The following AGMO variants were observed in gnomAD, a reference collection of about 807,000 sequenced individuals.
AGMO encodes glyceryl-ether monooxygenase.
AGMO carries 75 observed loss-of-function variants against 60.2 expected under a neutral mutation model. The observed-to-expected ratio is 1.25, with a 90% CI of 1.03 to 1.51. The LOEUF (loss-of-function observed/expected upper bound fraction) is 1.51, where lower values mean the gene tolerates loss of function less well. Ranked by LOEUF, AGMO falls within the 40% of genes most tolerant of loss-of-function variation. The pLI is 0.00. For missense variants in AGMO, 763 were observed against 525.5 expected, an observed-to-expected ratio of 1.45 and a Z score of -4.42; for synonymous variants, 261 against 177.1, an observed-to-expected ratio of 1.47 and a Z score of -3.76.
chr7:15,303,016 T>C (rs1780497112), intron 12 of AGMO, among the ~76,000 whole-genome samples: 1 of 152,158 alleles, frequency 6.6e-6, no homozygotes, highest in African/African-American at 2.4e-5. Flanking sequence ...GAAAGCTGAA[T>C]GTCTGGGATG....
the AGMO span, among the ~76,000 whole-genome samples, chr7:15,188,963 A>G: frequency 6.6e-6 from 1 of 152,184 alleles, no homozygotes; most frequent in East Asian, 1.9e-4. Context: ...ATAATTACAG[A>G]CAACTTTTTG....
the AGMO span, among the ~76,000 whole-genome samples, chr7:15,164,413 G>C: frequency 6.6e-6 from 1 of 152,002 alleles, no homozygotes; most frequent in Non-Finnish European, 1.5e-5. Context: ...AAACTAAAGA[G>C]CTTCGACATA....
intron 12 of AGMO, among the ~76,000 whole-genome samples, chr7:15,364,819 A>C (rs1005068064): frequency 6.6e-6 from 1 of 152,114 alleles, no homozygotes; most frequent in Non-Finnish European, 1.5e-5. Flanking sequence ...GCTTAAATAA[A>C]GTTATACATT....
chr7:15,213,112 T>C (rs1255703864), intron 12 of AGMO, among the ~76,000 whole-genome samples: 1 of 151,968 alleles, frequency 6.6e-6, no homozygotes, highest in Non-Finnish European at 1.5e-5. Context: ...AAAATAGATC[T>C]TTTTTAAAAT....
the AGMO span, among the ~76,000 whole-genome samples, chr7:15,160,979 G>C: frequency 6.6e-6 from 1 of 152,124 alleles, no homozygotes; most frequent in Non-Finnish European, 1.5e-5. Context: ...GAAGGCAGAA[G>C]GGCAAAAGAG....
chr7:15,134,438 C>A, the AGMO span, among the ~76,000 whole-genome samples: 1,054 of 152,108 alleles, frequency 6.9e-3, 22 homozygotes, highest in African/African-American at 0.025. Context: ...TTGTTTTCAA[C>A]CCTCACTCTC....
chr7:15,287,179 T>C (rs997231959), intron 12 of AGMO, among the ~76,000 whole-genome samples: 2 of 152,100 alleles, frequency 1.3e-5, no homozygotes, highest in African/African-American at 4.8e-5. Context: ...CACTATACAA[T>C]TCATCCATGT....
the AGMO span, among the ~76,000 whole-genome samples, chr7:15,145,512 G>T: frequency 1.5e-4 from 23 of 152,112 alleles, no homozygotes; most frequent in South Asian, 4.8e-3. Context: ...TAACAGAATA[G>T]AAATATATCA....
intron 5 of AGMO, among the ~76,000 whole-genome samples, chr7:15,394,680 G>C (rs949328100): frequency 2.0e-5 from 3 of 152,072 alleles, no homozygotes; most frequent in African/African-American, 4.8e-5. Flanking sequence ...CTAGGAGAGT[G>C]AAAACAACTG....
intron 12 of AGMO, among the ~76,000 whole-genome samples, chr7:15,243,265 C>G (rs1782645284): frequency 6.6e-6 from 1 of 151,994 alleles, no homozygotes; most frequent in African/African-American, 2.4e-5. Flanking sequence ...AAATATTTAT[C>G]AATGTTTCTT....
chr7:15,385,834 T>C (rs757697705), intron 9 of AGMO, among the ~76,000 whole-genome samples: 27 of 152,170 alleles, frequency 1.8e-4, no homozygotes, highest in Non-Finnish European at 3.5e-4. Context: ...GGATGTATCT[T>C]CCCTATTTGA....
chr7:15,311,187 A>T (rs895094245), intron 12 of AGMO, among the ~76,000 whole-genome samples: 4 of 152,220 alleles, frequency 2.6e-5, no homozygotes, highest in African/African-American at 9.7e-5. Flanking sequence ...GATTAAAAAA[A>T]AATTATCAAA....
At chr7:15,456,147 C>T (rs1657072667) in intron 3 of AGMO, among the ~76,000 whole-genome samples, 2 of 152,120 alleles carry the variant, frequency 1.3e-5, no homozygotes, top group Middle Eastern at 3.4e-3. Context: ...TATTCCAAAC[C>T]GTGTTTGGAT....
chr7:15,451,945 G>T (rs892882637), intron 3 of AGMO, among the ~76,000 whole-genome samples: 20 of 152,294 alleles, frequency 1.3e-4, no homozygotes, highest in Admixed American at 5.2e-4. Context: ...ATGAATGGTT[G>T]AAGGACAGCT....
chr7:15,357,100 ACT>A (rs962737374), intron 12 of AGMO, among the ~76,000 whole-genome samples: 1 of 150,806 alleles, frequency 6.6e-6, no homozygotes, highest in Non-Finnish European at 1.5e-5. Flanking sequence ...CAGAAGCGAG[ACT>A]CTGTCTCATG....
intron 12 of AGMO, among the ~76,000 whole-genome samples, chr7:15,268,556 T>A (rs573457279): frequency 1.3e-5 from 2 of 152,058 alleles, no homozygotes; most frequent in African/African-American, 4.8e-5. Flanking sequence ...CAGTGTGAGA[T>A]TGTCAAATAA....
intron 3 of AGMO, among the ~76,000 whole-genome samples, chr7:15,458,440 G>C (rs1057005690): frequency 3.9e-5 from 6 of 152,150 alleles, no homozygotes; most frequent in Admixed American, 3.9e-4. Context: ...TCATAGGAAA[G>C]GAATGGCCTA....
chr7:15,424,261 T>C (rs954459812), intron 4 of AGMO, among the ~76,000 whole-genome samples: 1 of 152,180 alleles, frequency 6.6e-6, no homozygotes, highest in African/African-American at 2.4e-5. Flanking sequence ...AGCTCACTTC[T>C]TACTTATCTT....
intron 12 of AGMO, among the ~76,000 whole-genome samples, chr7:15,296,105 T>A (rs1347473423): frequency 1.3e-5 from 2 of 152,198 alleles, no homozygotes; most frequent in African/African-American, 2.4e-5. Flanking sequence ...TGACTTAAGA[T>A]GTTAGTCTTT....
Sources: allele counts gnomAD v4.1 joint callset (sites outside exome capture counted in the v4.1 genomes callset), GRCh38; gene constraint gnomAD v4.1.1; transcripts MANE v1.5; gene names NCBI Gene and HGNC (gene_info 2026-07-23, HGNC 2026-07-21).